Variants in PTPRK observed in about 807,000 individuals in gnomAD.
PTPRK encodes the protein protein tyrosine phosphatase receptor type K, also known as receptor-type tyrosine-protein phosphatase kappa.
In PTPRK, 75 loss-of-function variants were observed where a neutral mutation model predicts 178.0. The ratio of observed to expected loss-of-function variants is 0.42; its 90% CI spans 0.35 to 0.51. The LOEUF (loss-of-function observed/expected upper bound fraction) is 0.51, where lower values mean the gene tolerates loss of function less well. PTPRK is among the 20% of genes least tolerant of loss of function. The pLI is 0.02. For synonymous variants in PTPRK, 637 were observed against 620.6 expected (o/e 1.03, Z -0.39); for missense variants, 1,441 against 1,797.8 (o/e 0.80, Z 3.59).
intron 1 of PTPRK, among the ~76,000 whole-genome samples, chr6:128,437,688 A>C (rs1845770630): frequency 6.6e-6 from 1 of 152,240 alleles, no homozygotes; most frequent in Admixed American, 6.5e-5. Flanking sequence ...TGCTAGAAAG[A>C]ATAGAATGAG....
chr6:128,386,114 T>G lies in PTPRK; in HGVS notation c.223+11452A>C, dbSNP rs548247001. Among the ~76,000 whole-genome samples, 800 of 152,212 alleles carry G rather than the reference T, an allele frequency of 5.3e-3. 16 individuals carry two copies. The highest frequency in any genetic ancestry group is 0.018 in the African/African-American group (759 of 41,518). Reference sequence around the variant, plus strand: ...ATTTTAATCCTTGACTTAATAAAGGTTCTTTAATTGATATGTGCTTCTGAC... The same window carrying G: ...ATTTTAATCCTTGACTTAATAAAGGGTCTTTAATTGATATGTGCTTCTGAC... On this transcript the variant is annotated intron_variant, in intron 2 of 29. Coordinates refer to ENST00000368226, the MANE Select transcript of PTPRK (RefSeq NM_002844.4).
intron 2 of PTPRK, among the ~76,000 whole-genome samples, chr6:128,334,459 A>C (rs996069131): frequency 1.3e-5 from 2 of 152,204 alleles, no homozygotes; most frequent in East Asian, 3.9e-4. Flanking sequence ...GTACATGAAG[A>C]ACAACTAGAC....
At chr6:128,243,853 T>A (rs910175087) in intron 3 of PTPRK, among the ~76,000 whole-genome samples, 2 of 152,152 alleles carry the variant, frequency 1.3e-5, no homozygotes, top group African/African-American at 2.4e-5. Context: ...TGAAAGTTGA[T>A]GTTTAAAGTA....
intron 13 of PTPRK, 128 bp from the exon 14 acceptor site, chr6:128,009,396 G>T: frequency 1.2e-6 from 1 of 812,864 alleles, no homozygotes; most frequent in Non-Finnish European, 1.9e-6. Context: ...ATCCCACAAT[G>T]TAAATACAGA....
intron 1 of PTPRK, among the ~76,000 whole-genome samples, chr6:128,446,529 A>T (rs1847056707): frequency 6.6e-6 from 1 of 152,206 alleles, no homozygotes; most frequent in African/African-American, 2.4e-5. Context: ...TTCTTTCTGC[A>T]AAATAAAAAG....
chr6:128,419,432 G>A (rs1843207186), intron 1 of PTPRK, among the ~76,000 whole-genome samples: 1 of 144,080 alleles, frequency 6.9e-6, no homozygotes, highest in Admixed American at 7.1e-5. Context: ...CTAACACGGT[G>A]AAACCCCGTC....
intron 3 of PTPRK, among the ~76,000 whole-genome samples, chr6:128,319,915 T>C (rs573834568): frequency 1.3e-5 from 2 of 152,252 alleles, no homozygotes; most frequent in East Asian, 3.9e-4. Context: ...AGCACATGAA[T>C]AAAAAGTACT....
intron 2 of PTPRK, among the ~76,000 whole-genome samples, chr6:128,375,261 T>A (rs1404812331): frequency 6.6e-6 from 1 of 151,612 alleles, no homozygotes; most frequent in East Asian, 1.9e-4. Flanking sequence ...GCTGGGTAAA[T>A]TATGCAGGAA....
chr6:128,053,729 C>A (rs985051676), intron 13 of PTPRK, among the ~76,000 whole-genome samples: 2 of 152,192 alleles, frequency 1.3e-5, no homozygotes, highest in Non-Finnish European at 2.9e-5. Flanking sequence ...TGAAATGCCA[C>A]ACGAGGCTGA....
intron 7 of PTPRK, among the ~76,000 whole-genome samples, chr6:128,153,188 T>C (rs1797516282): frequency 6.6e-6 from 1 of 151,962 alleles, no homozygotes; most frequent in Non-Finnish European, 1.5e-5. Context: ...ATGTGTATGA[T>C]ATGTGAAATC....
chr6:128,486,907 T>C (rs1853014410), intron 1 of PTPRK, among the ~76,000 whole-genome samples: 1 of 151,644 alleles, frequency 6.6e-6, no homozygotes, highest in African/African-American at 2.4e-5. Flanking sequence ...AATATTTAAT[T>C]GACATAGATA....
intron 3 of PTPRK, among the ~76,000 whole-genome samples, chr6:128,316,710 T>C (rs1401694395): frequency 6.1e-3 from 5 of 816 alleles, no homozygotes; most frequent in East Asian, 0.5. Flanking sequence ...AAGCTTTTTC[T>C]TTTTTTTTTT....
intron 7 of PTPRK, among the ~76,000 whole-genome samples, chr6:128,139,887 A>AT (rs141822889): frequency 0.88 from 132,988 of 151,080 alleles, 58,650 homozygotes; most frequent in East Asian, 1. Flanking sequence ...CACTAGCAAC[A>AT]TTTTTTTTTA....
chr6:128,029,760 C>T (rs1774990882), intron 13 of PTPRK, among the ~76,000 whole-genome samples: 1 of 151,796 alleles, frequency 6.6e-6, no homozygotes, highest in Non-Finnish European at 1.5e-5. Context: ...AAATTTCTTA[C>T]TTTGCTTACT....
At chr6:128,467,571 C>T (rs1850033782) in intron 1 of PTPRK, among the ~76,000 whole-genome samples, 1 of 152,204 alleles carries the variant, frequency 6.6e-6, no homozygotes, top group Non-Finnish European at 1.5e-5. Flanking sequence ...AGCCCTCACT[C>T]TTCTTCATAT....
At chr6:128,297,657 A>T (rs1439026278) in intron 3 of PTPRK, among the ~76,000 whole-genome samples, 3 of 152,212 alleles carry the variant, frequency 2.0e-5, no homozygotes, top group African/African-American at 7.2e-5. Context: ...GGCAGAAATA[A>T]AGATGTTCTT....
chr6:128,273,968 T>C (rs1249787857), intron 3 of PTPRK, among the ~76,000 whole-genome samples: 1 of 152,180 alleles, frequency 6.6e-6, no homozygotes, highest in African/African-American at 2.4e-5. Context: ...ATGTGCCTTT[T>C]TATTATTAAT....
intron 16 of PTPRK, among the ~76,000 whole-genome samples, chr6:127,998,215 T>A (rs1487250100): frequency 6.6e-6 from 1 of 151,758 alleles, no homozygotes; most frequent in Non-Finnish European, 1.5e-5. Flanking sequence ...CAGTGCTCTA[T>A]TTTTTTTCTC....
chr6:128,009,154 A>T lies in PTPRK; in HGVS notation c.2309T>A (p.Val770Asp). 6.2e-7 allele frequency: 1 copy of T among 1,608,910 alleles called. No homozygotes were observed. Among genetic ancestry groups the T allele is most frequent in the Non-Finnish European group, 8.5e-7 (1 of 1,176,560 alleles). ...CCTCTTTTTTACAATTAATATGACA[A>T]CTAGGAGAAGGAGGATGAACACCAA... ...GILVFILLLL[V>D]VILIVKKSKL... Residue 770 changes from valine (V) to aspartate (D), a missense_variant, in exon 14 of 30, where the codon GTT becomes GAT. By Grantham distance (152) the Val-to-Asp change is radical. Transcript: ENST00000368226.
Sources: allele counts gnomAD v4.1 joint callset (sites outside exome capture counted in the v4.1 genomes callset), GRCh38; gene constraint gnomAD v4.1.1; transcripts MANE v1.5; gene names NCBI Gene and HGNC (gene_info 2026-07-23, HGNC 2026-07-21).